SVOPL: variants seen among roughly 807,000 people sequenced by gnomAD.
The protein encoded by SVOPL is SVOP like, also known as putative transporter SVOPL.
SVOPL carries 60 observed loss-of-function variants against 61.0 expected under a neutral mutation model. That is an observed-to-expected ratio of 0.98 (90% CI 0.80 to 1.22). SVOPL has a LOEUF of 1.22. Ranked by LOEUF, SVOPL falls within the 50% of genes most tolerant of loss-of-function variation. SVOPL has a pLI of 0.00. For synonymous variants in SVOPL, 279 were observed against 250.0 expected, an observed-to-expected ratio of 1.12 and a Z score of -1.09; for missense variants, 662 against 643.9, an observed-to-expected ratio of 1.03 and a Z score of -0.30.
At chr7:138,625,227 C>T (rs550176522) in intron 13 of SVOPL, 6 of 152,154 alleles carry the variant, frequency 3.9e-5, no homozygotes, top group African/African-American at 1.4e-4. Context: ...CTATTTTTAT[C>T]TCTGTGTGGG....
At chr7:138,685,908 G>C (rs868208373) in intron 1 of SVOPL, among the ~76,000 whole-genome samples, 3 of 151,992 alleles carry the variant, frequency 2.0e-5, no homozygotes, top group Non-Finnish European at 2.9e-5. Flanking sequence ...AAATAAAAAG[G>C]CTAGAGGAAA....
chr7:138,594,671 G>A, intron 15 of SVOPL, 50 bp from the exon 16 acceptor site: 3 of 1,399,652 alleles, frequency 2.1e-6, no homozygotes, highest in Non-Finnish European at 1.9e-6. Flanking sequence ...TAAAAGTCTT[G>A]TCCATTCATA....
chr7:138,641,229 T>A (rs1800765544), intron 9 of SVOPL, among the ~76,000 whole-genome samples: 1 of 130,722 alleles, frequency 7.6e-6, no homozygotes, highest in East Asian at 2.2e-4. Context: ...CTGAAATTAT[T>A]AAAAAAAAAA....
rs140741979 is a variant in SVOPL, at chr7:138,596,743, G to A, written c.1354-213C>T. ...CAAGAACAGGAACTGGTATTAACAC[G>A]CATTGGCCAGGTAAGACCTCTCTTG... On this transcript the variant is annotated intron_variant, in intron 14 of 15. Coordinates refer to ENST00000674285, the MANE Select transcript of SVOPL (RefSeq NM_001139456.2). 4.8e-4 allele frequency: 594 copies of A among 1,228,556 alleles called. 2 individuals are homozygous for A. The African/African-American group carries it at 7.9e-3, about 16-fold the overall frequency. The allele number at this position is 1,228,556 out of a possible 1,614,324, so 76.1% of individuals were successfully genotyped here.
rs1217947395 is a variant in SVOPL, at chr7:138,642,375, TC to T, written c.789+2341del. 2.0e-5 allele frequency among the ~76,000 whole-genome samples: 3 copies of T among 150,066 alleles called. No individual in the cohort carries two copies. The East Asian group carries it at 5.8e-4, about 29-fold the overall frequency. On this transcript the variant is annotated intron_variant, in intron 9 of 15. Transcript: ENST00000674285. ...TGAAGTCTAATGAAATACACAAACT[TC>T]TAGTAAGCTGGACCAAGAAAAGAGA...
At position 138,643,977 on chromosome 7, in the gene SVOPL, G is replaced by T. The variant is rs542595747; in HGVS notation, c.789+740C>A. Among the ~76,000 whole-genome samples the T allele has an allele frequency of 2.2e-3, 332 of 152,060 alleles. 1 individual carries two copies. Among genetic ancestry groups the T allele is most frequent in the African/African-American group, 7.7e-3 (321 of 41,496 alleles). On this transcript the variant is annotated intron_variant, in intron 9 of 15. Transcript: ENST00000674285. Reference sequence around the variant, plus strand: ...CCAGCACTTTGGGAGGCCGAGGCAGGTGGATCACGAGGTCAAGAGATCAAG... The same window carrying T: ...CCAGCACTTTGGGAGGCCGAGGCAGTTGGATCACGAGGTCAAGAGATCAAG...
At chr7:138,647,831 GA>G (rs771138284) in intron 8 of SVOPL, among the ~76,000 whole-genome samples, 146 of 127,068 alleles carry the variant, frequency 1.1e-3, no homozygotes, top group Non-Finnish European at 2.0e-3. Flanking sequence ...CTGGGCAATA[GA>G]GTAAGACTCC....
At chr7:138,643,834 T>G (rs1800957719) in intron 9 of SVOPL, among the ~76,000 whole-genome samples, 2 of 152,162 alleles carry the variant, frequency 1.3e-5, no homozygotes, top group Admixed American at 1.3e-4. Flanking sequence ...GGATGGTGGT[T>G]ATGGTTTCAT....
Position 138,672,079 on chromosome 7 carries a change from C to G in SVOPL, c.213G>C (p.Val71=). 2 of 1,551,684 alleles carry G rather than the reference C, an allele frequency of 1.3e-6. No homozygotes were observed. The highest frequency in any genetic ancestry group is 1.7e-6 in the Non-Finnish European group (2 of 1,146,976). The change falls in exon 4 of 16, where the codon GTG becomes GTC. Residue 71 remains valine (V), a synonymous_variant. Transcript: ENST00000674285. ...EAMEIMLIAV[V]SPVIRCEWQL... ...GCCATTCACAGCGGATGACAGGAGA[C>G]ACAACAGCTATCAACATGATCTCCA...
rs1290916487 is a variant in SVOPL, at chr7:138,697,762, AAGAAGG to A, written c.-35+3410_-35+3415del. ...AGAAAAGAAGAAGGAGAAGAAAAAG[AAGAAGG>A]AGAAGGAGGAGGAGAAGGAGAAGAA... On this transcript the variant is annotated intron_variant, in intron 1 of 15. Coordinates refer to ENST00000674285, the MANE Select transcript of SVOPL (RefSeq NM_001139456.2). Among the ~76,000 whole-genome samples the A allele has an allele frequency of 2.0e-4, 30 of 151,346 alleles. No individual in the cohort carries two copies. The East Asian group carries it at 5.2e-3, about 26-fold the overall frequency.
chr7:138,622,150 G>C (rs796108890), intron 13 of SVOPL, among the ~76,000 whole-genome samples: 876 of 23,598 alleles, frequency 0.037, 90 homozygotes, highest in Non-Finnish European at 0.043. Context: ...ATCTATCTAT[G>C]TATCTATCTG....
rs770404185 is a variant in SVOPL at position 138,615,560 on chromosome 7, CAAAAAAAAAAAAA to C, written c.1353+5473_1353+5485del. ...GGGTGACAGAGCGAGACTCCGTCTC[CAAAAAAAAAAAAA>C]AAAAAAAAAAAAAAAGTTTGAGACC... On this transcript the variant is annotated intron_variant, in intron 14 of 15. Coordinates refer to ENST00000674285, the MANE Select transcript of SVOPL (RefSeq NM_001139456.2). Among the ~76,000 whole-genome samples the C allele has an allele frequency of 1.6e-3, 9 of 5,526 alleles. 1 individual carries two copies. Among genetic ancestry groups the C allele is most frequent in the African/African-American group, 1.7e-3 (5 of 2,998 alleles). 3.6% of individuals were successfully genotyped at this position (5,526 alleles called of 152,430 possible).
chr7:138,626,919 C>T (rs539821901), intron 12 of SVOPL, among the ~76,000 whole-genome samples: 2 of 151,950 alleles, frequency 1.3e-5, no homozygotes, highest in Non-Finnish European at 2.9e-5. Flanking sequence ...GCTTGTAGAA[C>T]AAATGATACA....
At chr7:138,678,910 G>A in intron 2 of SVOPL, 54 bp downstream of exon 2, 1 of 1,513,118 alleles carries the variant, frequency 6.6e-7, no homozygotes, top group Non-Finnish European at 9.0e-7. Flanking sequence ...ACCTTAAAAA[G>A]GATTCTTAAC....
chr7:138,627,302 C>T (rs1162441776), intron 12 of SVOPL, 48 bp downstream of exon 12: 1 of 1,432,618 alleles, frequency 7.0e-7, no homozygotes, highest in Non-Finnish European at 9.8e-7. Flanking sequence ...CAGGAGACTC[C>T]ATTTAGAAAC....
At chr7:138,602,935 A>G (rs1358651731) in intron 14 of SVOPL, among the ~76,000 whole-genome samples, 4 of 152,176 alleles carry the variant, frequency 2.6e-5, no homozygotes, top group Admixed American at 6.5e-5. Context: ...GCAGGTCACC[A>G]TAACACAGAT....
In SVOPL at chr7:138,594,551, C is replaced by G; in HGVS notation, c.*59G>C. ...TAAAACCAAGTTTTAAAAAAATGCA[C>G]CGCAGTTCTGAAGATAGAATTCATT... On this transcript the variant is annotated 3_prime_UTR_variant, in exon 16 of 16. Coordinates refer to ENST00000674285, the MANE Select transcript of SVOPL (RefSeq NM_001139456.2). The G allele has an allele frequency of 6.5e-7, 1 of 1,537,050 alleles. No individual in the cohort carries two copies. Among genetic ancestry groups the G allele is most frequent in the South Asian group, 1.2e-5 (1 of 82,754 alleles).
At chr7:138,669,442 G>A (rs1031254757) in intron 4 of SVOPL, among the ~76,000 whole-genome samples, 4 of 152,122 alleles carry the variant, frequency 2.6e-5, no homozygotes, top group African/African-American at 9.7e-5. Flanking sequence ...AAAAAAAAGG[G>A]AACGCAATTA....
At position 138,594,594 on chromosome 7, in the gene SVOPL, A is replaced by G. The variant is rs1467121279; in HGVS notation, c.*16T>C. Reference sequence around the variant, plus strand: ...AATTCATTTTTCTCATCTGGTAGACATAGCTTTGCAGGTCTTCATTTAATT... The same window carrying G: ...AATTCATTTTTCTCATCTGGTAGACGTAGCTTTGCAGGTCTTCATTTAATT... On this transcript the variant is annotated 3_prime_UTR_variant, in exon 16 of 16. Coordinates refer to ENST00000674285, the MANE Select transcript of SVOPL (RefSeq NM_001139456.2). 5.0e-6 allele frequency: 8 copies of G among 1,595,240 alleles called. No homozygotes were observed. Among genetic ancestry groups the G allele is most frequent in the Non-Finnish European group, 6.0e-6 (7 of 1,172,072 alleles).
Sources: gnomAD v4.1 joint callset for allele counts (sites outside exome capture counted in the v4.1 genomes callset) on GRCh38, gnomAD v4.1.1 for gene constraint, MANE v1.5 for transcripts, NCBI Gene and HGNC (gene_info 2026-07-23, HGNC 2026-07-21) for gene names.